MGAT4C: variants seen among roughly 807,000 people sequenced by gnomAD.
MGAT4C encodes the protein MGAT4 family member C.
MGAT4C carries 19 observed loss-of-function variants against 40.1 expected under a neutral mutation model. The observed-to-expected ratio is 0.47, with a 90% CI of 0.33 to 0.70. MGAT4C has a LOEUF of 0.70. MGAT4C is among the 30% of genes least tolerant of loss of function. The pLI, the probability that MGAT4C is intolerant of heterozygous loss-of-function variation, is 0.02. For missense variants in MGAT4C, 491 were observed against 563.2 expected, an observed-to-expected ratio of 0.87 and a Z score of 1.30; for synonymous variants, 181 against 187.1, an observed-to-expected ratio of 0.97 and a Z score of 0.27.
chr12:86,207,456 G>A (rs554644557), intron 1 of MGAT4C, among the ~76,000 whole-genome samples: 21 of 151,704 alleles, frequency 1.4e-4, no homozygotes, highest in African/African-American at 5.1e-4. Context: ...TCGACCCCCC[G>A]ACAGGCCTTG....
At chr12:86,040,871 A>C (rs1426374063) in intron 2 of MGAT4C, among the ~76,000 whole-genome samples, 2 of 152,156 alleles carry the variant, frequency 1.3e-5, no homozygotes, top group African/African-American at 4.8e-5. Flanking sequence ...AACCATGGGA[A>C]AGCACAGTAT....
At chr12:86,111,649 T>A (rs886639659) in intron 1 of MGAT4C, among the ~76,000 whole-genome samples, 1 of 151,842 alleles carries the variant, frequency 6.6e-6, no homozygotes, top group Non-Finnish European at 1.5e-5. Context: ...TTAAAGGAAG[T>A]CTATAACCTA....
At chr12:86,124,012 G>A (rs1353386365) in intron 1 of MGAT4C, among the ~76,000 whole-genome samples, 1 of 151,810 alleles carries the variant, frequency 6.6e-6, no homozygotes, top group Non-Finnish European at 1.5e-5. Context: ...TCCACCGATA[G>A]GACAAAACCA....
At chr12:86,491,077 C>T (rs1299924010) in intron 2 of MGAT4C, among the ~76,000 whole-genome samples, 1 of 152,112 alleles carries the variant, frequency 6.6e-6, no homozygotes, top group Admixed American at 6.5e-5. Flanking sequence ...TAGGCATCTA[C>T]AGAACTCTCT....
rs1300730879 is a variant in MGAT4C at position 86,459,582 on chromosome 12, A to C, written c.-228-24317T>G. On this transcript the variant is annotated intron_variant, in intron 2 of 7. Coordinates refer to the MGAT4C transcript ENST00000548651. ...TCTTCCAACAACCAGTTATCTTAGA[A>C]GAGAACCCTAAGTTTCAGATGAGAA... Among the ~76,000 whole-genome samples the C allele has an allele frequency of 2.0e-5, 3 of 152,158 alleles. No individual in the cohort carries two copies. The East Asian group carries it at 5.8e-4, about 29-fold the overall frequency.
chr12:86,427,111 CT>C, intron 3 of MGAT4C, among the ~76,000 whole-genome samples: 1 of 152,102 alleles, frequency 6.6e-6, no homozygotes. Context: ...ATTTGGGATA[CT>C]ATTGTTATAG....
chr12:86,390,496 C>T (rs2136227850), intron 3 of MGAT4C, among the ~76,000 whole-genome samples: 1 of 152,094 alleles, frequency 6.6e-6, no homozygotes, highest in African/African-American at 2.4e-5. Context: ...ATTTAAAATT[C>T]ATTCAACATT....
intron 2 of MGAT4C, among the ~76,000 whole-genome samples, chr12:86,678,569 T>TCCCTCCC (rs1949911355): frequency 8.5e-6 from 1 of 117,370 alleles, no homozygotes; most frequent in Non-Finnish European, 1.7e-5. Context: ...CCTAAAGCTA[T>TCCCTCCC]CCCTCCCCCC....
At chr12:86,383,001 CA>C (rs1362446171) in intron 3 of MGAT4C, among the ~76,000 whole-genome samples, 1 of 152,206 alleles carries the variant, frequency 6.6e-6, no homozygotes, top group East Asian at 1.9e-4. Context: ...CCTACTGGGG[CA>C]CCACCTCCTG....
In MGAT4C at chr12:85,974,992, A is replaced by G. The variant is rs1248398726; in HGVS notation, c.*4297T>C. 1 of 150,736 alleles carries G rather than the reference A, an allele frequency of 6.6e-6. No individual in the cohort carries two copies. Among genetic ancestry groups the G allele is most frequent in the East Asian group, 1.9e-4 (1 of 5,186 alleles). The allele number at this position is 150,736 out of a possible 1,614,324, so 9.3% of individuals were successfully genotyped here. ...CATTTCTGAGCTTAAGGTAGATTCT[A>G]AACAACATCTTAGAAACTAGGAAAT... On this transcript the variant is annotated 3_prime_UTR_variant, in exon 5 of 5. Coordinates refer to ENST00000611864, the MANE Select transcript of MGAT4C (RefSeq NM_001351288.2).
intron 1 of MGAT4C, among the ~76,000 whole-genome samples, chr12:86,782,171 A>ATTTTTT (rs57791582): frequency 3.2e-4 from 13 of 40,292 alleles, no homozygotes; most frequent in African/African-American, 5.3e-4. Context: ...TGTTTTTTGT[A>ATTTTTT]TTTTTTTTTT....
At chr12:86,482,067 TACAC>T (rs10526768) in intron 2 of MGAT4C, among the ~76,000 whole-genome samples, 268 of 143,174 alleles carry the variant, frequency 1.9e-3, no homozygotes, top group Middle Eastern at 7.4e-3. Context: ...AACATGTCAC[TACAC>T]ACACACACAC....
chr12:86,732,197 T>C (rs945079095), intron 1 of MGAT4C, among the ~76,000 whole-genome samples: 1 of 152,188 alleles, frequency 6.6e-6, no homozygotes, highest in Non-Finnish European at 1.5e-5. Flanking sequence ...ATCCTTTCAT[T>C]TACTTATGCC....
At chr12:86,069,185 T>A (rs945939141) in intron 1 of MGAT4C, among the ~76,000 whole-genome samples, 5 of 142,036 alleles carry the variant, frequency 3.5e-5, no homozygotes, top group Admixed American at 2.8e-4. Flanking sequence ...GAGTTAAAAA[T>A]AATATAACAT....
intron 2 of MGAT4C, among the ~76,000 whole-genome samples, chr12:86,573,530 T>C (rs1382318019): frequency 6.6e-6 from 1 of 152,008 alleles, no homozygotes; most frequent in African/African-American, 2.4e-5. Context: ...GATGCTGACA[T>C]GTAACCCATT....
At chr12:85,999,566 T>A (rs1386035480) in intron 2 of MGAT4C, among the ~76,000 whole-genome samples, 1 of 58,810 alleles carries the variant, frequency 1.7e-5, no homozygotes, top group Non-Finnish European at 4.0e-5. Context: ...GTAAAGAAAA[T>A]GTGTGTGTGT....
chr12:85,977,363 G>A lies in MGAT4C; in HGVS notation c.*1926C>T, dbSNP rs1364212970. On this transcript the variant is annotated 3_prime_UTR_variant, in exon 5 of 5. Coordinates refer to ENST00000611864, the MANE Select transcript of MGAT4C (RefSeq NM_001351288.2). ...ATACACACAATACTATCAACTAGCC[G>A]GTTAATAAAAGATAAGAAAAATAAA... is the stretch of plus-strand genomic sequence containing the variant. The A allele has an allele frequency of 4.6e-5, 7 of 151,260 alleles. No homozygotes were observed. The highest frequency in any genetic ancestry group is 3.3e-4 in the Admixed American group (5 of 15,118). 9.4% of individuals were successfully genotyped at this position (151,260 alleles called of 1,614,324 possible). A position where few individuals can be genotyped will look rare whatever the true frequency, so the allele number is the denominator to read the frequency against.
intron 2 of MGAT4C, among the ~76,000 whole-genome samples, chr12:86,715,568 G>A (rs1268148989): frequency 6.6e-6 from 1 of 152,076 alleles, no homozygotes; most frequent in Non-Finnish European, 1.5e-5. Context: ...CAAACATCAA[G>A]GCATAATCAC....
In MGAT4C at chr12:86,062,803, G is replaced by A. The variant is rs1352534525; in HGVS notation, c.-56-13080C>T. Among the ~76,000 whole-genome samples, 7 of 151,984 alleles carry A rather than the reference G, an allele frequency of 4.6e-5. No individual in the cohort carries two copies. The Middle Eastern group carries it at 0.014, about 295-fold the overall frequency. On this transcript the variant is annotated intron_variant, in intron 1 of 4. Coordinates refer to ENST00000611864, the MANE Select transcript of MGAT4C (RefSeq NM_001351288.2). ...TTGAAGATCAACTCAATAAAATAAA[G>A]TGAGAAGACAAGTTTGGAGAAAAAA...
Sources: gnomAD v4.1 joint callset for allele counts (sites outside exome capture counted in the v4.1 genomes callset) on GRCh38, gnomAD v4.1.1 for gene constraint, MANE v1.5 for transcripts, NCBI Gene and HGNC (gene_info 2026-07-23, HGNC 2026-07-21) for gene names.